AMPH: variants seen among roughly 807,000 people sequenced by gnomAD.
The protein encoded by AMPH is amphiphysin.
A neutral mutation model predicts 99.1 loss-of-function variants in AMPH; 49 were observed. That is an observed-to-expected ratio of 0.49 (90% CI 0.39 to 0.63). AMPH has a LOEUF of 0.63. Among genes scored for constraint, AMPH ranks in the 20% least tolerant of loss-of-function variants. The probability of loss-of-function intolerance (pLI) is 0.00; values close to 1 mark genes in which losing one functional copy is unlikely to be tolerated. For synonymous variants in AMPH, 314 were observed against 317.3 expected, an observed-to-expected ratio of 0.99 and a Z score of 0.11; for missense variants, 759 against 863.4, an observed-to-expected ratio of 0.88 and a Z score of 1.52.
chr7:38,416,094 A>G (rs892279915), intron 17 of AMPH, among the ~76,000 whole-genome samples: 1 of 58,612 alleles, frequency 1.7e-5, no homozygotes, highest in African/African-American at 6.2e-5. Context: ...ACAATGATCA[A>G]ACATATGAAT....
intron 1 of AMPH, among the ~76,000 whole-genome samples, chr7:38,628,402 T>A (rs1326366665): frequency 6.6e-6 from 1 of 152,204 alleles, no homozygotes; most frequent in Non-Finnish European, 1.5e-5. Context: ...CTTCTAGGAA[T>A]TTATCTAAGG....
intron 1 of AMPH, among the ~76,000 whole-genome samples, chr7:38,627,387 C>CCAAAAAAAAAA (rs560321108): frequency 5.1e-5 from 6 of 116,934 alleles, no homozygotes; most frequent in African/African-American, 2.1e-4. Flanking sequence ...ACTAAAAATA[C>CCAAAAAAAAAA]AAAAAAAAAA....
intron 18 of AMPH, among the ~76,000 whole-genome samples, chr7:38,392,374 G>GTTTTTTT (rs1562722574): frequency 5.5e-5 from 5 of 90,150 alleles, no homozygotes; most frequent in Admixed American, 1.3e-4. Flanking sequence ...GGCCGGCCTG[G>GTTTTTTT]TTCTTTTTTT....
At chr7:38,488,203 T>C (rs889669558) in intron 5 of AMPH, among the ~76,000 whole-genome samples, 5 of 152,230 alleles carry the variant, frequency 3.3e-5, no homozygotes, top group African/African-American at 4.8e-5. Flanking sequence ...TAACTCATTC[T>C]ACAATAAAGA....
intron 8 of AMPH, 64 bp from the exon 9 acceptor site, chr7:38,465,613 C>T (rs973749551): frequency 7.0e-7 from 1 of 1,421,770 alleles, no homozygotes; most frequent in Non-Finnish European, 9.7e-7. Flanking sequence ...TCAGGCTATT[C>T]TCCCCAAGAA....
Position 38,429,122 on chromosome 7 carries a change from T to C in AMPH, c.1182+720A>G, listed in dbSNP as rs1339416832. The C allele has an allele frequency of 3.9e-6, 5 of 1,290,206 alleles. No homozygotes were observed. In the African/African-American group the frequency reaches 7.6e-5, roughly 20 times the overall value. The allele number at this position is 1,290,206 out of a possible 1,614,324, so 79.9% of individuals were successfully genotyped here. A position where few individuals can be genotyped will look rare whatever the true frequency, so the allele number is the denominator to read the frequency against. On this transcript the variant is annotated intron_variant, in intron 14 of 20. Coordinates refer to ENST00000356264, the MANE Select transcript of AMPH (RefSeq NM_001635.4). ...TCTTCTGTTTCTCTTCCTCTTCATCTGACTTCTTCATATCTTCATGACTTT... is the reference window on the plus strand; with the variant it reads ...TCTTCTGTTTCTCTTCCTCTTCATCCGACTTCTTCATATCTTCATGACTTT...
intron 5 of AMPH, among the ~76,000 whole-genome samples, chr7:38,484,550 G>A (rs1788416276): frequency 6.6e-6 from 1 of 152,014 alleles, no homozygotes; most frequent in African/African-American, 2.4e-5. Context: ...AACCAAAGCT[G>A]AAGGAGGTCA....
intron 1 of AMPH, among the ~76,000 whole-genome samples, chr7:38,579,498 A>G (rs1792369388): frequency 6.6e-6 from 1 of 152,234 alleles, no homozygotes; most frequent in Non-Finnish European, 1.5e-5. Context: ...TGTAATATAC[A>G]TCAAGTATAG....
chr7:38,459,870 G>T (rs1787374667), intron 11 of AMPH, among the ~76,000 whole-genome samples: 1 of 151,640 alleles, frequency 6.6e-6, no homozygotes, highest in Admixed American at 6.6e-5. Flanking sequence ...AATGGCATCT[G>T]CACACAAAGG....
intron 1 of AMPH, among the ~76,000 whole-genome samples, chr7:38,572,977 C>T (rs954259677): frequency 2.6e-5 from 4 of 152,200 alleles, no homozygotes; most frequent in Non-Finnish European, 4.4e-5. Flanking sequence ...TGTACCCTGC[C>T]TTGGTGTGGT....
intron 1 of AMPH, among the ~76,000 whole-genome samples, chr7:38,605,961 C>T (rs1793422171): frequency 1.3e-5 from 2 of 152,174 alleles, no homozygotes; most frequent in South Asian, 4.1e-4. Context: ...CCCTCATATG[C>T]ATGACCTCAC....
At chr7:38,414,737 C>T (rs1190654140) in intron 17 of AMPH, among the ~76,000 whole-genome samples, 2 of 152,002 alleles carry the variant, frequency 1.3e-5, no homozygotes, top group Admixed American at 6.6e-5. Context: ...AAGATCTCAG[C>T]TCACTGCACC....
At chr7:38,631,230 G>T in intron 1 of AMPH, 53 bp downstream of exon 1, 1 of 1,483,120 alleles carries the variant, frequency 6.7e-7, no homozygotes. Context: ...GTGCCCTCCG[G>T]CCAAGCCCCC....
At chr7:38,484,973 A>C (rs1261822155) in intron 5 of AMPH, among the ~76,000 whole-genome samples, 1 of 151,906 alleles carries the variant, frequency 6.6e-6, no homozygotes, top group Non-Finnish European at 1.5e-5. Flanking sequence ...TGCATATGGA[A>C]GTTACACGAA....
At chr7:38,407,266 T>TCTAG (rs1333897214) in intron 17 of AMPH, among the ~76,000 whole-genome samples, 2 of 147,362 alleles carry the variant, frequency 1.4e-5, no homozygotes, top group Non-Finnish European at 3.0e-5. Context: ...TATCTATCTA[T>TCTAG]CTAGCTAGCT....
intron 4 of AMPH, 43 bp downstream of exon 4, chr7:38,494,390 G>C: frequency 1.3e-6 from 2 of 1,536,138 alleles, no homozygotes; most frequent in Non-Finnish European, 1.8e-6. Context: ...GGTGGACTGA[G>C]CAAGGGTCGT....
intron 11 of AMPH, among the ~76,000 whole-genome samples, chr7:38,454,197 G>A (rs1787144227): frequency 6.6e-6 from 1 of 152,168 alleles, no homozygotes; most frequent in Non-Finnish European, 1.5e-5. Context: ...TGATAAGTGT[G>A]CTTGAAAAGA....
At chr7:38,554,490 A>T (rs1015818516) in intron 1 of AMPH, among the ~76,000 whole-genome samples, 3 of 152,134 alleles carry the variant, frequency 2.0e-5, no homozygotes, top group African/African-American at 4.8e-5. Flanking sequence ...AATATGCTTT[A>T]AAAAAAATCA....
At chr7:38,432,149 G>C in intron 13 of AMPH, 40 bp downstream of exon 13, 1 of 1,574,934 alleles carries the variant, frequency 6.3e-7, no homozygotes, top group Non-Finnish European at 8.7e-7. Context: ...AATTTCTGGG[G>C]ATCAAGATAC....
Sources: allele counts gnomAD v4.1 joint callset (sites outside exome capture counted in the v4.1 genomes callset), GRCh38; gene constraint gnomAD v4.1.1; transcripts MANE v1.5; gene names NCBI Gene and HGNC (gene_info 2026-07-23, HGNC 2026-07-21).